PARP4: variants seen among roughly 807,000 people sequenced by gnomAD.
PARP4 encodes the protein protein mono-ADP-ribosyltransferase PARP4.
In PARP4, 120 loss-of-function variants were observed where a neutral mutation model predicts 187.7. That is an observed-to-expected ratio of 0.64 (90% CI 0.55 to 0.74). PARP4 has a LOEUF of 0.74. Ranked by LOEUF, PARP4 falls within the 30% of genes least tolerant of loss-of-function variation. PARP4 has a pLI of 0.00. For missense variants in PARP4, 1,836 were observed against 2,070.5 expected (o/e 0.89, Z 2.20); for synonymous variants, 654 against 740.9 (o/e 0.88, Z 1.90).
chr13:24,491,129 T>A (rs983559152), intron 9 of PARP4, among the ~76,000 whole-genome samples: 7 of 152,024 alleles, frequency 4.6e-5, no homozygotes, highest in Admixed American at 3.9e-4. Context: ...GACATTTTTT[T>A]TTTTTTTTTA....
At chr13:24,462,426 G>C (rs1872255110) in intron 17 of PARP4, among the ~76,000 whole-genome samples, 1 of 152,186 alleles carries the variant, frequency 6.6e-6, no homozygotes, top group Non-Finnish European at 1.5e-5. Flanking sequence ...ACACTAACCT[G>C]AAAGAACAGG....
intron 3 of PARP4, among the ~76,000 whole-genome samples, chr13:24,500,754 G>A (rs1869230254): frequency 6.6e-6 from 1 of 152,204 alleles, no homozygotes; most frequent in African/African-American, 2.4e-5. Flanking sequence ...GCTTAGAGGA[G>A]GGAAAGTCAA....
At chr13:24,500,055 T>C (rs1256344737) in intron 4 of PARP4, among the ~76,000 whole-genome samples, 1 of 148,244 alleles carries the variant, frequency 6.7e-6, no homozygotes, top group Non-Finnish European at 1.5e-5. Context: ...TTTAAAAGAA[T>C]TAAAAAAAAA....
intron 20 of PARP4, among the ~76,000 whole-genome samples, chr13:24,458,449 G>C (rs1288328624): frequency 6.6e-6 from 1 of 151,608 alleles, no homozygotes; most frequent in Non-Finnish European, 1.5e-5. Context: ...TGCTGGCACA[G>C]GCCTGTAGCC....
chr13:24,447,090 C>T lies in PARP4; in HGVS notation c.3211G>A (p.Ala1071Thr), dbSNP rs1156727320. The change falls in exon 26 of 34, where the codon GCC (alanine) becomes ACC (threonine). Residue 1071 changes from alanine (A) to threonine (T), a missense_variant. Transcript: ENST00000381989. The stretch of plus-strand genomic sequence containing the variant: ...AACAAGGACGGCACCTGGGCTGGGG[C>T]CTGCAGGGCCTCGGGCACATCTGGA... ...LNPDVPEALQ[A>T]PAQVPSLFLN... 6.2e-7 allele frequency: 1 copy of T among 1,612,602 alleles called. No homozygotes were observed. The highest frequency in any genetic ancestry group is 8.5e-7 in the Non-Finnish European group (1 of 1,178,998).
At chr13:24,483,366 A>G (rs9553320) in intron 12 of PARP4, among the ~76,000 whole-genome samples, 111,435 of 120,918 alleles carry the variant, frequency 0.92, 51,713 homozygotes, top group East Asian at 0.99. Flanking sequence ...GGCACCTGTA[A>G]TCCCAGCTAC....
Position 24,434,439 on chromosome 13 carries a change from G to T in PARP4, c.4702C>A (p.Gln1568Lys). 1 of 1,595,118 alleles carries T rather than the reference G, an allele frequency of 6.3e-7. No individual in the cohort carries two copies. Reference sequence around the variant, plus strand: ...AGTTCTGTCCAAGGCACAGCATCCTGCCAGTGTTGTATGCACACTATTTCA... The same window carrying T: ...AGTTCTGTCCAAGGCACAGCATCCTTCCAGTGTTGTATGCACACTATTTCA... Reference protein sequence around the residue: ...EDEIVCIQHWQDAVPWTELLS... With the variant: ...EDEIVCIQHWKDAVPWTELLS... The change falls in exon 31 of 34, where the codon CAG (glutamine) becomes AAG (lysine). Residue 1568 changes from glutamine (Q) to lysine (K), a missense_variant. Physicochemically the swap from Gln to Lys is moderately conservative, Grantham distance 53. This residue lies in a region of PARP4 where 450 missense variants were observed against 439.2 expected (regional missense o/e 1.02). Coordinates refer to ENST00000381989, the MANE Select transcript of PARP4 (RefSeq NM_006437.4).
chr13:24,490,554 C>A, intron 10 of PARP4, 114 bp downstream of exon 10: 2 of 842,220 alleles, frequency 2.4e-6, no homozygotes, highest in Admixed American at 2.2e-5. Flanking sequence ...CACACCACCG[C>A]TACTGTGGCT....
intron 32 of PARP4, among the ~76,000 whole-genome samples, chr13:24,426,998 GT>G (rs150706156): frequency 0.024 from 3,591 of 151,544 alleles, 96 homozygotes; most frequent in African/African-American, 0.063. Flanking sequence ...ATGGTTTGCT[GT>G]TTAAATAAAA....
At chr13:24,471,582 C>T (rs1232071498) in intron 15 of PARP4, among the ~76,000 whole-genome samples, 3 of 151,834 alleles carry the variant, frequency 2.0e-5, no homozygotes, top group Non-Finnish European at 4.4e-5. Context: ...AATGTATGAG[C>T]CATGCACATA....
intron 15 of PARP4, among the ~76,000 whole-genome samples, chr13:24,470,753 A>T (rs1891012): frequency 0.83 from 124,088 of 149,554 alleles, 51,081 homozygotes; most frequent in East Asian, 0.97. Flanking sequence ...ATGAAAAATT[A>T]AAAAAAAAAA....
intron 20 of PARP4, among the ~76,000 whole-genome samples, chr13:24,456,858 C>T (rs1253961507): frequency 6.6e-6 from 1 of 152,036 alleles, no homozygotes; most frequent in Admixed American, 6.6e-5. Flanking sequence ...CAAGATCGCG[C>T]CACTGCACTC....
Position 24,492,509 on chromosome 13 carries a change from G to A in PARP4, c.965C>T (p.Thr322Ile), listed in dbSNP as rs1165936501. ...GTGAGGTATCAGTCTGTAAAACTCT[G>A]TCATCATCTTTTGCAATTGCTCTGC... Reference protein sequence around the residue: ...ETAEQLQKMMTEFYRLIPHKG... With the variant: ...ETAEQLQKMMIEFYRLIPHKG... Residue 322 changes from threonine (T) to isoleucine (I), a missense_variant, in exon 9 of 34, where the codon ACA becomes ATA. Thr to Ile is a moderately conservative substitution (Grantham distance 89). This residue lies in a region of PARP4 where 1,147 missense variants were observed against 1,214.2 expected (regional missense o/e 0.94). Coordinates refer to ENST00000381989, the MANE Select transcript of PARP4 (RefSeq NM_006437.4). 6.2e-7 allele frequency: 1 copy of A among 1,613,896 alleles called. No homozygotes were observed.
In PARP4 at chr13:24,486,300, C is replaced by T. The variant is rs757440095; in HGVS notation, c.1220G>A (p.Ser407Asn). ...KEVLQNHHSK[S>N]PVDVLQIFRV... ...AAATATCTGCAAGACATCCACTGGG[C>T]TCTTACTGTAAGAATTAGAAGAAAA... is the stretch of plus-strand genomic sequence containing the variant. The change falls in exon 11 of 34, where the codon AGC (serine) becomes AAC (asparagine). Residue 407 changes from serine (S) to asparagine (N), a missense_variant. By Grantham distance (46) the Ser-to-Asn change is conservative. This residue lies in a region of PARP4 where 1,147 missense variants were observed against 1,214.2 expected (regional missense o/e 0.94). Transcript: ENST00000381989. The T allele has an allele frequency of 2.5e-6, 4 of 1,579,988 alleles. No individual in the cohort carries two copies. The highest frequency in any genetic ancestry group is 1.4e-5 in the African/African-American group (1 of 73,910).
At chr13:24,425,387 C>T (rs1869977220) in intron 33 of PARP4, among the ~76,000 whole-genome samples, 1 of 152,140 alleles carries the variant, frequency 6.6e-6, no homozygotes, top group Non-Finnish European at 1.5e-5. Context: ...AAACAAAGCA[C>T]ACTAGGAGAA....
At chr13:24,478,341 G>A (rs1353646025) in intron 12 of PARP4, 65 bp from the exon 13 acceptor site, 1 of 1,034,410 alleles carries the variant, frequency 9.7e-7, no homozygotes, top group Non-Finnish European at 1.3e-6. Flanking sequence ...ACATACTATT[G>A]AAAAGACTTT....
chr13:24,499,904 C>T (rs947342334), intron 4 of PARP4, among the ~76,000 whole-genome samples: 1 of 152,090 alleles, frequency 6.6e-6, no homozygotes, highest in Non-Finnish European at 1.5e-5. Context: ...CTTTAAGAAA[C>T]CATATAGAAC....
intron 11 of PARP4, 45 bp downstream of exon 11, chr13:24,486,123 T>A: frequency 6.4e-7 from 1 of 1,559,360 alleles, no homozygotes; most frequent in Non-Finnish European, 8.7e-7. Context: ...ACACTTCACA[T>A]TTGTGAGCCT....
intron 17 of PARP4, among the ~76,000 whole-genome samples, chr13:24,464,433 C>G (rs907635233): frequency 3.3e-5 from 5 of 152,158 alleles, no homozygotes; most frequent in Admixed American, 1.3e-4. Context: ...CAGCATGGTA[C>G]TGGTACAAAA....
Sources: gnomAD v4.1 joint callset for allele counts (sites outside exome capture counted in the v4.1 genomes callset) on GRCh38, gnomAD v4.1.1 for gene constraint, gnomAD v4.1.1 regional missense constraint, MANE v1.5 for transcripts, NCBI Gene and HGNC (gene_info 2026-07-23, HGNC 2026-07-21) for gene names.